ELF2: variants seen among roughly 807,000 people sequenced by gnomAD.
ELF2 encodes the protein ETS-related transcription factor Elf-2.
A neutral mutation model predicts 54.8 loss-of-function variants in ELF2; 11 were observed. That is an observed-to-expected ratio of 0.20 (90% CI 0.13 to 0.33). The LOEUF (loss-of-function observed/expected upper bound fraction) is 0.33. Among genes scored for constraint, ELF2 ranks in the 10% least tolerant of loss-of-function variants. The probability of loss-of-function intolerance (pLI) is 1.00; values close to 1 mark genes in which losing one functional copy is unlikely to be tolerated. For missense variants in ELF2, 513 were observed against 703.0 expected (o/e 0.73, Z 3.06); for synonymous variants, 203 against 245.1 (o/e 0.83, Z 1.61).
At chr4:139,080,956 A>C (rs530127746) in intron 4 of ELF2, among the ~76,000 whole-genome samples, 1 of 151,888 alleles carries the variant, frequency 6.6e-6, no homozygotes, top group Non-Finnish European at 1.5e-5. Flanking sequence ...AAAAAAAAAA[A>C]AACCCAAGGA....
chr4:139,092,516 G>C (rs1732780681), intron 4 of ELF2, among the ~76,000 whole-genome samples: 1 of 151,394 alleles, frequency 6.6e-6, no homozygotes, highest in African/African-American at 2.4e-5. Flanking sequence ...CCACCACTTT[G>C]AGAGGCGGAG....
At chr4:139,121,469 G>A (rs1333848168) in intron 4 of ELF2, among the ~76,000 whole-genome samples, 3 of 151,890 alleles carry the variant, frequency 2.0e-5, no homozygotes, top group Admixed American at 6.5e-5. Flanking sequence ...TGGTATAAAC[G>A]TGGTGCTTGT....
At chr4:139,117,269 A>C (rs183286220) in intron 4 of ELF2, among the ~76,000 whole-genome samples, 26 of 152,336 alleles carry the variant, frequency 1.7e-4, no homozygotes, top group African/African-American at 5.8e-4. Context: ...TTACGATTAA[A>C]ATGCATTTTT....
At chr4:139,093,190 C>T (rs1440969785) in intron 4 of ELF2, among the ~76,000 whole-genome samples, 3 of 152,046 alleles carry the variant, frequency 2.0e-5, no homozygotes, top group Admixed American at 2.0e-4. Flanking sequence ...TGGTTTCGAT[C>T]TCCTGACCTC....
chr4:139,158,327 G>C (rs1290243746), intron 1 of ELF2, among the ~76,000 whole-genome samples: 7 of 152,168 alleles, frequency 4.6e-5, no homozygotes, highest in Admixed American at 4.6e-4. Flanking sequence ...TATACGTGCA[G>C]GTCACAGGAG....
chr4:139,115,183 T>A (rs1307712622), intron 4 of ELF2: 1 of 1,611,954 alleles, frequency 6.2e-7, no homozygotes, highest in African/African-American at 1.3e-5. Context: ...CTTCCGTAGC[T>A]CCTTGCGGTC....
At chr4:139,071,838 T>A (rs770149336) in intron 6 of ELF2, 28 bp downstream of exon 6, 99 of 1,551,656 alleles carry the variant, frequency 6.4e-5, no homozygotes, top group Admixed American at 1.6e-4. Flanking sequence ...TTCACCTGCC[T>A]TCTCAGAAAT....
In ELF2 at chr4:139,112,877, G is replaced by A. The variant is rs547250170; in HGVS notation, c.238+12287C>T. ...ACCACTGCACTCCAGCCTGAGTGACGGAACAAGACTCCGTATCAAAAAAGA... is the reference window on the plus strand; with the variant it reads ...ACCACTGCACTCCAGCCTGAGTGACAGAACAAGACTCCGTATCAAAAAAGA... On this transcript the variant is annotated intron_variant, in intron 4 of 9. Transcript: ENST00000686138. 1.2e-4 allele frequency among the ~76,000 whole-genome samples: 18 copies of A among 147,892 alleles called. 1 individual carries two copies. The South Asian group carries it at 2.2e-3, about 18-fold the overall frequency.
intron 4 of ELF2, among the ~76,000 whole-genome samples, chr4:139,096,869 C>T (rs1204802057): frequency 2.0e-5 from 3 of 151,794 alleles, no homozygotes; most frequent in East Asian, 1.9e-4. Flanking sequence ...CTTTTTATTC[C>T]GTTGGCCATA....
At chr4:139,064,479 T>C (rs1046885740) in intron 7 of ELF2, among the ~76,000 whole-genome samples, 6 of 152,362 alleles carry the variant, frequency 3.9e-5, no homozygotes, top group African/African-American at 1.4e-4. Flanking sequence ...GTCAAAGTAC[T>C]GATGTTTTGT....
intron 1 of ELF2, among the ~76,000 whole-genome samples, chr4:139,170,933 A>G (rs1742246879): frequency 6.6e-6 from 1 of 151,874 alleles, no homozygotes; most frequent in African/African-American, 2.4e-5. Flanking sequence ...TTTAGTAGAG[A>G]CAGGGTTTTA....
rs750909947 is a variant in ELF2, at chr4:139,169,346, T to TCAA, written c.-252+7620_-252+7621insTTG. ...CTGGGCTACAGAGCGGGACTACATT[T>TCAA]AAAAAAAAAAAAAAAAAAAACTATC... is the stretch of plus-strand genomic sequence containing the variant. On this transcript the variant is annotated intron_variant, in intron 1 of 9. Transcript: ENST00000686138. 5.2e-5 allele frequency among the ~76,000 whole-genome samples: 4 copies of TCAA among 77,516 alleles called. 2 individuals are homozygous for TCAA. Among genetic ancestry groups the TCAA allele is most frequent in the Admixed American group, 3.4e-4 (2 of 5,834 alleles). The allele number at this position is 77,516 out of a possible 152,430, so 50.9% of individuals were successfully genotyped here.
chr4:139,097,156 G>A (rs1234971718), intron 4 of ELF2, among the ~76,000 whole-genome samples: 8 of 152,080 alleles, frequency 5.3e-5, no homozygotes, highest in Admixed American at 5.2e-4. Flanking sequence ...CTGCTTAAGC[G>A]AAATTCCAAG....
intron 4 of ELF2, among the ~76,000 whole-genome samples, chr4:139,088,195 G>A (rs1332625642): frequency 1.3e-5 from 2 of 151,096 alleles, no homozygotes; most frequent in African/African-American, 2.4e-5. Flanking sequence ...ACTGAGGCAG[G>A]AGAATCATTT....
rs1428511586 is a variant in ELF2, at chr4:139,151,035, AGAAAG to A, written c.-251-11543_-251-11539del. ...CGAGGCTCCATCTCAAAAAAAAAAA[AGAAAG>A]AAAGAAAGAAAGAAAGAAAGAAAGA... On this transcript the variant is annotated intron_variant, in intron 1 of 9. Transcript: ENST00000686138. Among the ~76,000 whole-genome samples, 8 of 42,526 alleles carry A rather than the reference AGAAAG, an allele frequency of 1.9e-4. 1 individual carries two copies. Among genetic ancestry groups the A allele is most frequent in the African/African-American group, 4.1e-4 (7 of 17,146 alleles). 27.9% of individuals were successfully genotyped at this position (42,526 alleles called of 152,430 possible).
At chr4:139,067,933 T>C (rs371920809) in intron 6 of ELF2, among the ~76,000 whole-genome samples, 163 bp from the exon 7 acceptor site, 9 of 152,242 alleles carry the variant, frequency 5.9e-5, no homozygotes, top group East Asian at 3.8e-4. Flanking sequence ...TACAAACACT[T>C]TTGTATTTTA....
chr4:139,079,931 A>G (rs1196361347), intron 4 of ELF2, among the ~76,000 whole-genome samples: 1 of 152,252 alleles, frequency 6.6e-6, no homozygotes, highest in Non-Finnish European at 1.5e-5. Flanking sequence ...TGTAAAAAAA[A>G]TAAAAATTAT....
Position 139,137,654 on chromosome 4 carries a change from G to T in ELF2, c.48C>A (p.Ser16=). 1 of 1,613,974 alleles carries T rather than the reference G, an allele frequency of 6.2e-7. No homozygotes were observed. Among genetic ancestry groups the T allele is most frequent in the South Asian group, 1.1e-5 (1 of 91,082 alleles). The change falls in exon 3 of 10, where the codon TCC becomes TCA. Residue 16 remains serine, a synonymous_variant. Coordinates refer to ENST00000686138, the MANE Select transcript of ELF2 (RefSeq NM_001331036.3). Reference sequence around the variant, plus strand: ...CCTCTTGATTTTCTACTCCATTGCTGGAAAGCTCCAAAATAGTACCTCCAC... The same window carrying T: ...CCTCTTGATTTTCTACTCCATTGCTTGAAAGCTCCAAAATAGTACCTCCAC... ...VDSGGTILEL[S]SNGVENQEES... is the part of the protein sequence containing the mutation.
intron 4 of ELF2, chr4:139,084,477 C>G (rs1332700219): frequency 2.0e-6 from 2 of 1,011,108 alleles, no homozygotes; most frequent in Non-Finnish European, 2.4e-6. Context: ...GCTGTGGCGG[C>G]CGCCGCAGCT....
Sources: gnomAD v4.1 joint callset for allele counts (sites outside exome capture counted in the v4.1 genomes callset) on GRCh38, gnomAD v4.1.1 for gene constraint, MANE v1.5 for transcripts, NCBI Gene and HGNC (gene_info 2026-07-23, HGNC 2026-07-21) for gene names.